Variants in PC observed in about 807,000 individuals in gnomAD.
The protein encoded by PC is pyruvate carboxylase, mitochondrial.
In PC, 46 loss-of-function variants were observed where a neutral mutation model predicts 107.8. That is an observed-to-expected ratio of 0.43 (90% CI 0.34 to 0.55). PC has a LOEUF of 0.55. Ranked by LOEUF, PC falls within the 20% of genes least tolerant of loss-of-function variation. The probability of loss-of-function intolerance (pLI) is 0.04; values close to 1 mark genes in which losing one functional copy is unlikely to be tolerated. For synonymous variants in PC, 662 were observed against 684.7 expected (o/e 0.97, Z 0.52); for missense variants, 1,241 against 1,643.1 (o/e 0.76, Z 4.23).
At chr11:66,952,014 C>T (rs1023092974) in intron 3 of PC, among the ~76,000 whole-genome samples, 1 of 152,184 alleles carries the variant, frequency 6.6e-6, no homozygotes. Context: ...TTGAGCGTCA[C>T]CCTCTGGAAA....
In PC at chr11:66,870,928, C is replaced by T. The variant is rs781450844; in HGVS notation, c.634-36G>A. 6.9e-6 allele frequency: 11 copies of T among 1,604,216 alleles called. No homozygotes were observed. The highest frequency in any genetic ancestry group is 1.1e-5 in the South Asian group (1 of 90,966). On this transcript the variant is annotated intron_variant, in intron 7 of 22. Transcript: ENST00000393960. This position sits in a 1 kb window ranked among gnomAD's most constrained non-coding sequence, Gnocchi z 6.1. Reference sequence around the variant, plus strand: ...GGGCAGGGGCCAGCCAGACCTCAGACCCCACAGCGCTACCTCTCCCCTGCC... The same window carrying T: ...GGGCAGGGGCCAGCCAGACCTCAGATCCCACAGCGCTACCTCTCCCCTGCC...
At chr11:66,895,862 G>C (rs1947742209) in intron 3 of PC, among the ~76,000 whole-genome samples, 1 of 152,200 alleles carries the variant, frequency 6.6e-6, no homozygotes, top group Non-Finnish European at 1.5e-5. Flanking sequence ...GGAAGGACTT[G>C]CTGAGAGCCT....
chr11:66,930,045 C>T (rs1207602353), intron 3 of PC, among the ~76,000 whole-genome samples: 3 of 151,972 alleles, frequency 2.0e-5, no homozygotes, highest in Non-Finnish European at 4.4e-5. Context: ...GATCTTACCC[C>T]CAGTGAAGTT....
intron 3 of PC, among the ~76,000 whole-genome samples, chr11:66,915,317 C>T (rs533297340): frequency 3.9e-5 from 6 of 152,300 alleles, no homozygotes; most frequent in Non-Finnish European, 7.4e-5. Flanking sequence ...AGGGAGGCTT[C>T]CCCTGATGGG....
At chr11:66,954,741 C>T (rs1407459699) in intron 1 of PC, among the ~76,000 whole-genome samples, 2 of 152,112 alleles carry the variant, frequency 1.3e-5, no homozygotes, top group Non-Finnish European at 1.5e-5. Flanking sequence ...GTCAGGAGTT[C>T]GAGACCAGCC....
intron 1 of PC, among the ~76,000 whole-genome samples, chr11:66,955,769 G>A (rs1035109283): frequency 9.6e-5 from 14 of 146,090 alleles, no homozygotes; most frequent in Non-Finnish European, 1.8e-4. Context: ...TGCCTTTTGG[G>A]CTTTTTTTTT....
chr11:66,855,215 G>A (rs954559103), intron 12 of PC, among the ~76,000 whole-genome samples: 1 of 152,222 alleles, frequency 6.6e-6, no homozygotes, highest in Admixed American at 6.5e-5. Flanking sequence ...CCTCCATACT[G>A]TAAGCTCTAT....
intron 12 of PC, among the ~76,000 whole-genome samples, chr11:66,861,147 T>A (rs1946234114): frequency 6.6e-6 from 1 of 152,290 alleles, no homozygotes; most frequent in South Asian, 2.1e-4. Flanking sequence ...CCTCCCTCGC[T>A]GCAGGGAGGC....
At chr11:66,855,666 C>A (rs890523902) in intron 12 of PC, among the ~76,000 whole-genome samples, 1 of 152,192 alleles carries the variant, frequency 6.6e-6, no homozygotes, top group Non-Finnish European at 1.5e-5. Flanking sequence ...CAGAGTTGAC[C>A]TGCACCAGGA....
chr11:66,922,290 C>CT (rs1948613767), intron 3 of PC, among the ~76,000 whole-genome samples: 1 of 152,150 alleles, frequency 6.6e-6, no homozygotes, highest in Non-Finnish European at 1.5e-5. Flanking sequence ...AGCAATGAGC[C>CT]TAGACCGGGC....
At chr11:66,935,447 T>A (rs1265415111) in intron 3 of PC, among the ~76,000 whole-genome samples, 1 of 152,168 alleles carries the variant, frequency 6.6e-6, no homozygotes, top group East Asian at 1.9e-4. Flanking sequence ...CTGCCTTAGA[T>A]GGAGGTAGAC....
chr11:66,891,029 C>T (rs568640083), intron 3 of PC, among the ~76,000 whole-genome samples: 3 of 152,010 alleles, frequency 2.0e-5, no homozygotes, highest in Non-Finnish European at 2.9e-5. Flanking sequence ...ATTGGAATTG[C>T]TGCGTCAGAC....
chr11:66,926,067 A>G (rs1196047979), intron 3 of PC, among the ~76,000 whole-genome samples: 2 of 152,224 alleles, frequency 1.3e-5, no homozygotes, highest in Non-Finnish European at 1.5e-5. Context: ...AAAGATAAGA[A>G]GCATGTTTCT....
intron 3 of PC, among the ~76,000 whole-genome samples, chr11:66,924,777 T>C (rs1948674805): frequency 1.3e-5 from 2 of 152,162 alleles, no homozygotes; most frequent in South Asian, 4.1e-4. Flanking sequence ...TATTCCTTCT[T>C]ATTTGCAAAC....
intron 3 of PC, among the ~76,000 whole-genome samples, chr11:66,897,024 G>A (rs973952071): frequency 6.6e-6 from 1 of 151,920 alleles, no homozygotes; most frequent in African/African-American, 2.4e-5. Context: ...CTCTGCCCCC[G>A]GGATTCAAGA....
chr11:66,875,227 A>C (rs1946928130), intron 3 of PC, among the ~76,000 whole-genome samples: 1 of 148,330 alleles, frequency 6.7e-6, no homozygotes, highest in Non-Finnish European at 1.5e-5. Flanking sequence ...GGAGCCTCTG[A>C]CAGGGGGAAG....
chr11:66,866,389 AG>A lies in PC; in HGVS notation c.1023-41del. 3.0e-6 allele frequency: 3 copies of A among 997,106 alleles called. No homozygotes were observed. Among genetic ancestry groups the A allele is most frequent in the East Asian group, 3.3e-5 (1 of 30,540 alleles). 61.8% of individuals were successfully genotyped at this position (997,106 alleles called of 1,614,324 possible). A position where few individuals can be genotyped will look rare whatever the true frequency, so the allele number is the denominator to read the frequency against. On this transcript the variant is annotated intron_variant, in intron 10 of 22. Coordinates refer to ENST00000393960, the MANE Select transcript of PC (RefSeq NM_001040716.2). This position sits in a 1 kb window ranked among gnomAD's most constrained non-coding sequence, Gnocchi z 5.4. ...GGGGAGGGGGGAAAGGACGGGAGAA[AG>A]GGGGAAACATGAGGCGGGGGATAGA...
chr11:66,957,616 T>TA (rs550297712), intron 1 of PC: 1 of 152,266 alleles, frequency 6.6e-6, no homozygotes, highest in Non-Finnish European at 1.5e-5. Flanking sequence ...AGACCCTGTC[T>TA]AAAAAAGAAA....
intron 10 of PC, among the ~76,000 whole-genome samples, chr11:66,867,856 G>GC: frequency 6.6e-6 from 1 of 152,356 alleles, no homozygotes; most frequent in East Asian, 1.9e-4. Context: ...GGGCCTCCAT[G>GC]CCCCCGGCGA....
Sources: gnomAD v4.1 joint callset for allele counts (sites outside exome capture counted in the v4.1 genomes callset) on GRCh38, gnomAD v4.1.1 for gene constraint, Gnocchi (gnomAD v3.1) non-coding constraint, MANE v1.5 for transcripts, NCBI Gene and HGNC (gene_info 2026-07-23, HGNC 2026-07-21) for gene names.